AATF: variants seen among roughly 807,000 people sequenced by gnomAD.
AATF encodes the protein protein AATF.
In AATF, 48 loss-of-function variants were observed where a neutral mutation model predicts 63.7. That is an observed-to-expected ratio of 0.75 (90% CI 0.60 to 0.96). AATF has a LOEUF of 0.96. Ranked by LOEUF, AATF falls within the 40% of genes least tolerant of loss-of-function variation. The pLI, the probability that AATF is intolerant of heterozygous loss-of-function variation, is 0.00. For missense variants in AATF, 639 were observed against 685.7 expected (o/e 0.93, Z 0.76); for synonymous variants, 258 against 247.7 (o/e 1.04, Z -0.39).
In AATF at chr17:36,986,738, G is replaced by T. The variant is rs374162294; in HGVS notation, c.947+7G>T. On this transcript the variant is annotated splice_region_variant and intron_variant, in intron 5 of 11. Coordinates refer to ENST00000619387, the MANE Select transcript of AATF (RefSeq NM_012138.4). The stretch of plus-strand genomic sequence containing the variant: ...CAAAGCCCAATGCGGGAAGGTAAGA[G>T]AACAGAATCATGGAGTTGCTTATTT... The T allele has an allele frequency of 5.6e-6, 9 of 1,604,760 alleles. No individual in the cohort carries two copies. Among genetic ancestry groups the T allele is most frequent in the African/African-American group, 1.3e-5 (1 of 74,700 alleles).
chr17:36,971,139 G>A (rs189751187), intron 4 of AATF, among the ~76,000 whole-genome samples: 1 of 152,146 alleles, frequency 6.6e-6, no homozygotes, highest in African/African-American at 2.4e-5. Context: ...GAAAAGATAA[G>A]CTATAGACCA....
At chr17:36,965,193 C>T (rs768676675) in intron 4 of AATF, among the ~76,000 whole-genome samples, 20 of 152,168 alleles carry the variant, frequency 1.3e-4, no homozygotes, top group Non-Finnish European at 2.1e-4. Context: ...CATTGATTAT[C>T]GTATCGTTCT....
At chr17:37,008,849 A>G (rs1597723511) in intron 8 of AATF, among the ~76,000 whole-genome samples, 1 of 152,340 alleles carries the variant, frequency 6.6e-6, no homozygotes, top group East Asian at 1.9e-4. Context: ...GCCTGTCTCT[A>G]AAACCACACA....
At chr17:36,967,869 T>A (rs972933291) in intron 4 of AATF, among the ~76,000 whole-genome samples, 4 of 151,944 alleles carry the variant, frequency 2.6e-5, no homozygotes, top group African/African-American at 9.6e-5. Flanking sequence ...GCCTTTTTTT[T>A]TTTTTTTTTC....
chr17:36,992,099 G>C (rs2071219940), intron 8 of AATF, among the ~76,000 whole-genome samples: 1 of 152,172 alleles, frequency 6.6e-6, no homozygotes, highest in African/African-American at 2.4e-5. Context: ...GCTGTACTGT[G>C]TATATGGATA....
At chr17:37,020,243 A>G (rs867190337) in intron 9 of AATF, among the ~76,000 whole-genome samples, 3 of 152,142 alleles carry the variant, frequency 2.0e-5, no homozygotes, top group African/African-American at 2.4e-5. Context: ...GAGACATTCC[A>G]GGAAATGTGA....
At chr17:36,977,440 A>G (rs2071087439) in intron 4 of AATF, among the ~76,000 whole-genome samples, 1 of 151,298 alleles carries the variant, frequency 6.6e-6, no homozygotes, top group Non-Finnish European at 1.5e-5. Context: ...GAATTTGGGC[A>G]TTTGCTTAGA....
chr17:36,953,714 C>T, intron 3 of AATF, 56 bp from the exon 4 acceptor site: 3 of 1,571,710 alleles, frequency 1.9e-6, no homozygotes, highest in Non-Finnish European at 2.6e-6. Context: ...CCCCTGCCAC[C>T]TCACCCCCAG....
At chr17:37,035,300 C>G (rs553116070) in intron 11 of AATF, among the ~76,000 whole-genome samples, 1 of 151,246 alleles carries the variant, frequency 6.6e-6, no homozygotes, top group African/African-American at 2.4e-5. Context: ...CTCACTGCAA[C>G]CTCCGCCTCC....
At chr17:37,014,728 A>AT (rs2071416520) in intron 8 of AATF, among the ~76,000 whole-genome samples, 1 of 151,962 alleles carries the variant, frequency 6.6e-6, no homozygotes, top group Admixed American at 6.6e-5. Context: ...TCCTTCAAAC[A>AT]TTTTCTCCCA....
intron 8 of AATF, among the ~76,000 whole-genome samples, chr17:36,998,222 G>GA (rs57465475): frequency 2.1e-4 from 31 of 148,292 alleles, no homozygotes; most frequent in South Asian, 1.5e-3. Flanking sequence ...GTAACTTATG[G>GA]AAAAAAAAAA....
chr17:36,961,634 C>T (rs908106731), intron 4 of AATF, among the ~76,000 whole-genome samples: 18 of 151,942 alleles, frequency 1.2e-4, no homozygotes, highest in African/African-American at 3.6e-4. Flanking sequence ...ATCTATATTC[C>T]CTGGAAATGT....
At position 36,989,171 on chromosome 17, in the gene AATF, AAGAT is replaced by A. The variant is rs1025875283; in HGVS notation, c.1150-72_1150-69del. The A allele has an allele frequency of 1.4e-5, 20 of 1,458,986 alleles. No homozygotes were observed. In the Admixed American group the frequency reaches 3.0e-4, roughly 22 times the overall value. The allele number at this position is 1,458,986 out of a possible 1,614,324, so 90.4% of individuals were successfully genotyped here. On this transcript the variant is annotated intron_variant, in intron 6 of 11. Transcript: ENST00000619387. ...TTTTCTATCTCTCTGCTGACACAGA[AAGAT>A]AGAGAAACCAATGTAGCTTGCCTTC...
intron 11 of AATF, among the ~76,000 whole-genome samples, chr17:37,044,693 G>GT (rs1363872646): frequency 4.6e-5 from 7 of 152,268 alleles, no homozygotes; most frequent in African/African-American, 1.7e-4. Context: ...GAGGAATTTC[G>GT]TATTTCAGAT....
At chr17:36,979,917 A>G (rs372294298) in intron 4 of AATF, among the ~76,000 whole-genome samples, 3 of 152,220 alleles carry the variant, frequency 2.0e-5, no homozygotes, top group Non-Finnish European at 2.9e-5. Flanking sequence ...GAATGCTTGC[A>G]TATGGGTAGC....
intron 8 of AATF, among the ~76,000 whole-genome samples, chr17:37,001,412 GA>G (rs1324845770): frequency 1.1e-5 from 1 of 90,632 alleles, no homozygotes; most frequent in East Asian, 2.7e-4. Flanking sequence ...AGGGAGGAAG[GA>G]AGGAAGGAAG....
chr17:36,976,722 T>C (rs984795400), intron 4 of AATF, among the ~76,000 whole-genome samples: 2 of 152,190 alleles, frequency 1.3e-5, no homozygotes, highest in African/African-American at 4.8e-5. Flanking sequence ...TAAGTGTTTT[T>C]ACGTAAACAC....
At chr17:37,024,724 TG>T (rs1215464986) in intron 10 of AATF, among the ~76,000 whole-genome samples, 4 of 152,144 alleles carry the variant, frequency 2.6e-5, no homozygotes, top group African/African-American at 9.7e-5. Context: ...TTTGGGAGGC[TG>T]AGGCAGGTGG....
At chr17:37,019,151 G>A in intron 9 of AATF, 79 bp downstream of exon 9, 1 of 1,126,256 alleles carries the variant, frequency 8.9e-7, no homozygotes, top group Non-Finnish European at 1.3e-6. Flanking sequence ...AATTCTACCT[G>A]CAAAGCAATG....
Sources: gnomAD v4.1 joint callset for allele counts (sites outside exome capture counted in the v4.1 genomes callset) on GRCh38, gnomAD v4.1.1 for gene constraint, MANE v1.5 for transcripts, NCBI Gene and HGNC (gene_info 2026-07-23, HGNC 2026-07-21) for gene names.